Variants in LARGE1 observed in about 807,000 individuals in gnomAD.
LARGE1 encodes the protein xylosyl- and glucuronyltransferase LARGE1.
In LARGE1, 43 loss-of-function variants were observed where a neutral mutation model predicts 87.6. The observed-to-expected ratio is 0.49, with a 90% CI of 0.38 to 0.63. The LOEUF (loss-of-function observed/expected upper bound fraction) is 0.63, where lower values mean the gene tolerates loss of function less well. LARGE1 is among the 30% of genes least tolerant of loss of function. The pLI is 0.00. For missense variants in LARGE1, 802 were observed against 1,000.2 expected, an observed-to-expected ratio of 0.80 and a Z score of 2.67; for synonymous variants, 434 against 394.6, an observed-to-expected ratio of 1.10 and a Z score of -1.18.
chr22:33,792,176 T>C (rs1362468585), intron 1 of LARGE1, among the ~76,000 whole-genome samples: 1 of 152,170 alleles, frequency 6.6e-6, no homozygotes, highest in East Asian at 1.9e-4. Flanking sequence ...TTTGGCTGTG[T>C]CCCCACCCAA....
intron 11 of LARGE1, among the ~76,000 whole-genome samples, chr22:33,252,856 A>G (rs1022381209): frequency 2.0e-5 from 3 of 152,188 alleles, no homozygotes; most frequent in Admixed American, 2.0e-4. Context: ...CATTTTTCTG[A>G]GAGCCCACTG....
chr22:33,482,031 T>C (rs939940358), intron 6 of LARGE1, among the ~76,000 whole-genome samples: 21 of 152,200 alleles, frequency 1.4e-4, no homozygotes, highest in African/African-American at 4.3e-4. Context: ...ATTACCATCA[T>C]CATCATATCT....
At chr22:33,682,546 G>A (rs2081808212) in intron 2 of LARGE1, among the ~76,000 whole-genome samples, 1 of 152,160 alleles carries the variant, frequency 6.6e-6, no homozygotes, top group Non-Finnish European at 1.5e-5. Flanking sequence ...GGTGGACATT[G>A]GCACTTCCTG....
chr22:33,079,733 G>T, the LARGE1 span, among the ~76,000 whole-genome samples: 2 of 152,082 alleles, frequency 1.3e-5, no homozygotes, highest in African/African-American at 4.8e-5. Flanking sequence ...TAAATGAGTT[G>T]TCCATTCTGC....
intron 1 of LARGE1, among the ~76,000 whole-genome samples, chr22:33,850,355 A>G (rs1451086951): frequency 1.3e-5 from 2 of 152,192 alleles, no homozygotes; most frequent in African/African-American, 4.8e-5. Flanking sequence ...CAGAGTCTTA[A>G]GTCTTCCGCA....
chr22:33,600,055 C>A (rs915919240), intron 5 of LARGE1, among the ~76,000 whole-genome samples: 1 of 152,148 alleles, frequency 6.6e-6, no homozygotes, highest in East Asian at 1.9e-4. Flanking sequence ...GCTACCCACA[C>A]AAGCCTCTGG....
At chr22:33,223,591 T>A (rs1316333339) in intron 11 of LARGE1, among the ~76,000 whole-genome samples, 1 of 152,154 alleles carries the variant, frequency 6.6e-6, no homozygotes, top group African/African-American at 2.4e-5. Flanking sequence ...TCTTATACCA[T>A]ATTAGGGAAA....
At chr22:33,267,805 A>T (rs1446876455), downstream of LARGE1, among the ~76,000 whole-genome samples, 1 of 151,608 alleles carries the variant, frequency 6.6e-6, no homozygotes, top group African/African-American at 2.4e-5. Flanking sequence ...TGATCTTCTC[A>T]ATATTAAATG....
intron 4 of LARGE1, among the ~76,000 whole-genome samples, chr22:33,611,303 G>C (rs2079422306): frequency 6.6e-6 from 1 of 152,262 alleles, no homozygotes; most frequent in Admixed American, 6.5e-5. Context: ...AGCAGCTGCA[G>C]GGGCTGTACA....
At chr22:33,460,024 T>C (rs540265284) in intron 6 of LARGE1, among the ~76,000 whole-genome samples, 3 of 152,340 alleles carry the variant, frequency 2.0e-5, no homozygotes, top group African/African-American at 2.4e-5. Context: ...ACACACACAG[T>C]GAGACAATGG....
At chr22:33,296,479 A>G (rs1933274664) in intron 12 of LARGE1, among the ~76,000 whole-genome samples, 2 of 152,308 alleles carry the variant, frequency 1.3e-5, no homozygotes, top group South Asian at 2.1e-4. Context: ...AAATGGGCCT[A>G]TCGGGCAACT....
chr22:33,837,420 G>A (rs1440784664), intron 1 of LARGE1, among the ~76,000 whole-genome samples: 3 of 151,952 alleles, frequency 2.0e-5, no homozygotes, highest in Admixed American at 6.6e-5. Context: ...GCAACATTAC[G>A]AATTTTTTAA....
intron 9 of LARGE1, among the ~76,000 whole-genome samples, chr22:33,355,518 C>T (rs569564896): frequency 6.1e-4 from 93 of 152,294 alleles, no homozygotes; most frequent in African/African-American, 1.9e-3. Context: ...CTGTCCCCTT[C>T]GTGATAACTG....
chr22:33,857,722 T>A (rs1393728411), intron 1 of LARGE1, among the ~76,000 whole-genome samples: 1 of 152,068 alleles, frequency 6.6e-6, no homozygotes, highest in African/African-American at 2.4e-5. Context: ...TGAGAAAAAA[T>A]GACTAGCCTC....
intron 5 of LARGE1, among the ~76,000 whole-genome samples, chr22:33,574,775 T>A (rs2078304734): frequency 6.6e-6 from 1 of 150,754 alleles, no homozygotes; most frequent in Admixed American, 6.6e-5. Context: ...TGAAAAAGCT[T>A]AGAGTTGAAA....
intron 11 of LARGE1, among the ~76,000 whole-genome samples, chr22:33,262,763 CTTCCCT>C (rs1927704781): frequency 7.0e-6 from 1 of 143,700 alleles, no homozygotes; most frequent in African/African-American, 2.5e-5. Flanking sequence ...CCTTCCTTCC[CTTCCCT>C]TTCCTTCCTT....
At chr22:33,523,150 G>A (rs755049075) in intron 6 of LARGE1, among the ~76,000 whole-genome samples, 1 of 151,934 alleles carries the variant, frequency 6.6e-6, no homozygotes, top group African/African-American at 2.4e-5. Context: ...GACTACAGGT[G>A]TGTGCCAGCA....
chr22:33,336,128 A>T (rs1485630735), intron 10 of LARGE1, among the ~76,000 whole-genome samples: 1 of 152,212 alleles, frequency 6.6e-6, no homozygotes, highest in East Asian at 1.9e-4. Flanking sequence ...TGCATGTAAC[A>T]CAGGGCCAAC....
intron 1 of LARGE1, among the ~76,000 whole-genome samples, chr22:33,900,139 T>C (rs114224094): frequency 0.023 from 3,452 of 152,268 alleles, 139 homozygotes; most frequent in African/African-American, 0.077. Context: ...CCATGAAAGA[T>C]TCAGGAGTTG....
Sources: allele counts gnomAD v4.1 joint callset (sites outside exome capture counted in the v4.1 genomes callset), GRCh38; gene constraint gnomAD v4.1.1; transcripts MANE v1.5; gene names NCBI Gene and HGNC (gene_info 2026-07-23, HGNC 2026-07-21).